The following CCDC18 variants were observed in gnomAD, a reference collection of about 807,000 sequenced individuals.
CCDC18 encodes coiled-coil domain containing 18.
CCDC18 carries 157 observed loss-of-function variants against 196.0 expected under a neutral mutation model. The observed-to-expected ratio is 0.80, with a 90% CI of 0.70 to 0.91. The LOEUF (loss-of-function observed/expected upper bound fraction) is 0.91, where lower values mean the gene tolerates loss of function less well. CCDC18 is among the 40% of genes least tolerant of loss of function. The probability of loss-of-function intolerance (pLI) is 0.00; values close to 1 mark genes in which losing one functional copy is unlikely to be tolerated. For missense variants in CCDC18, 1,465 were observed against 1,611.6 expected (o/e 0.91, Z 1.56); for synonymous variants, 482 against 529.2 (o/e 0.91, Z 1.22).
rs1306174824 is a variant in CCDC18 at position 93,214,796 on chromosome 1, G to C, written c.1549G>C (p.Glu517Gln). Residue 517 changes from glutamate to glutamine, a missense_variant, in exon 12 of 29, where the codon GAG (glutamate) becomes CAG (glutamine). Physicochemically the swap from Glu to Gln is conservative, Grantham distance 29. Transcript: ENST00000690025. Reference protein sequence around the residue: ...QHTMNKQYEKERQRLVTGIEE... With the variant: ...QHTMNKQYEKQRQRLVTGIEE... ...TACTATGAACAAGCAATATGAAAAA[G>C]AGAGGCAAAGACTTGTTACTGGAAT... 6.2e-7 allele frequency: 1 copy of C among 1,612,938 alleles called. No homozygotes were observed. The highest frequency in any genetic ancestry group is 2.2e-5 in the East Asian group (1 of 44,774).
At chr1:93,223,718 T>C (rs1222698922) in intron 16 of CCDC18, among the ~76,000 whole-genome samples, 2 of 152,140 alleles carry the variant, frequency 1.3e-5, no homozygotes, top group African/African-American at 4.8e-5. Context: ...TTCCTCTTAT[T>C]TTCTACTTTA....
chr1:93,214,620 G>C, intron 11 of CCDC18, 123 bp from the exon 12 acceptor site: 1 of 619,164 alleles, frequency 1.6e-6, no homozygotes, highest in East Asian at 2.8e-5. Context: ...CTCATTCTCT[G>C]TCCCTTTTAG....
At chr1:93,254,255 T>C (rs1288457561) in intron 23 of CCDC18, among the ~76,000 whole-genome samples, 1 of 152,200 alleles carries the variant, frequency 6.6e-6, no homozygotes, top group Non-Finnish European at 1.5e-5. Context: ...TTCCTGTTGT[T>C]GTGGGGGAAT....
Position 93,239,403 on chromosome 1 carries a change from A to T in CCDC18, c.2697A>T (p.Ala899=). ...MHLKRDGENK[A]MHLSQLDMIL... ...TAAAACGAGATGGAGAAAATAAAGC[A>T]ATGCACCTCTCTCAATTAGATATGA... Residue 899 remains alanine (A), a synonymous_variant, in exon 20 of 29, where the codon GCA becomes GCT. Transcript: ENST00000690025. 6.2e-7 allele frequency: 1 copy of T among 1,613,440 alleles called. No homozygotes were observed. The highest frequency in any genetic ancestry group is 8.5e-7 in the Non-Finnish European group (1 of 1,179,614).
intron 16 of CCDC18, among the ~76,000 whole-genome samples, chr1:93,224,957 C>G (rs1374393200): frequency 6.6e-6 from 1 of 152,164 alleles, no homozygotes. Context: ...TTCAGAATTA[C>G]AGATTTTTTA....
Position 93,184,095 on chromosome 1 carries a change from C to T in CCDC18, c.252C>T (p.Val84=). Residue 84 remains valine, a synonymous_variant, in exon 3 of 29, where the codon GTC becomes GTT. Transcript: ENST00000690025. The part of the protein sequence containing the change: ...GLLNYSPYEN[V]CKISGSSTDF... ...TGAATTATTCACCTTATGAAAACGT[C>T]TGTAAAATATCTGGTAGCAGCACTG... is the stretch of plus-strand genomic sequence containing the variant. 6.4e-7 allele frequency: 1 copy of T among 1,569,092 alleles called. No individual in the cohort carries two copies. The highest frequency in any genetic ancestry group is 8.7e-7 in the Non-Finnish European group (1 of 1,153,322).
intron 2 of CCDC18, 66 bp downstream of exon 2, chr1:93,183,561 T>C: frequency 8.6e-7 from 1 of 1,168,646 alleles, no homozygotes; most frequent in Non-Finnish European, 1.2e-6. Flanking sequence ...AATGTGTGGA[T>C]TTCATTATGA....
chr1:93,202,891 G>A (rs928617981), intron 7 of CCDC18, among the ~76,000 whole-genome samples: 3 of 152,202 alleles, frequency 2.0e-5, no homozygotes, highest in Non-Finnish European at 4.4e-5. Flanking sequence ...TAGGGTGGGT[G>A]AAGGTGGCAG....
At chr1:93,220,027 C>A (rs1404185564) in intron 14 of CCDC18, among the ~76,000 whole-genome samples, 1 of 152,048 alleles carries the variant, frequency 6.6e-6, no homozygotes, top group African/African-American at 2.4e-5. Context: ...CTGAAAACTT[C>A]ACAAATTTGA....
At chr1:93,212,689 G>A (rs185109485) in intron 11 of CCDC18, among the ~76,000 whole-genome samples, 26 of 152,264 alleles carry the variant, frequency 1.7e-4, no homozygotes, top group Non-Finnish European at 2.5e-4. Flanking sequence ...TGTATCATTC[G>A]TTAATGAAGT....
At chr1:93,191,567 G>A (rs1490658009) in intron 4 of CCDC18, among the ~76,000 whole-genome samples, 4 of 152,232 alleles carry the variant, frequency 2.6e-5, no homozygotes, top group East Asian at 1.9e-4. Context: ...TATACAGATT[G>A]TAGGGTTATT....
chr1:93,250,534 A>C (rs1464020628), intron 23 of CCDC18, among the ~76,000 whole-genome samples: 1 of 152,066 alleles, frequency 6.6e-6, no homozygotes, highest in Admixed American at 6.6e-5. Context: ...TAATCTGGAC[A>C]ATCTGTTCAT....
intron 17 of CCDC18, among the ~76,000 whole-genome samples, chr1:93,231,914 T>C (rs1480389726): frequency 6.6e-6 from 1 of 152,190 alleles, no homozygotes; most frequent in Non-Finnish European, 1.5e-5. Flanking sequence ...GGTGAAAGAA[T>C]CAGGTGAAGT....
intron 17 of CCDC18, among the ~76,000 whole-genome samples, chr1:93,228,330 A>T (rs1054468764): frequency 6.6e-6 from 1 of 152,282 alleles, no homozygotes; most frequent in Non-Finnish European, 1.5e-5. Flanking sequence ...GCTACTGGCC[A>T]TTCCCATTGG....
chr1:93,195,629 T>C (rs1652600995), intron 6 of CCDC18, among the ~76,000 whole-genome samples: 1 of 152,216 alleles, frequency 6.6e-6, no homozygotes, highest in South Asian at 2.1e-4. Flanking sequence ...AATGCCATTA[T>C]AAGAGGGCTT....
At chr1:93,204,159 G>A (rs1654321580) in intron 7 of CCDC18, among the ~76,000 whole-genome samples, 1 of 152,064 alleles carries the variant, frequency 6.6e-6, no homozygotes. Flanking sequence ...GATTGAAGAT[G>A]CTAGAATTAT....
Position 93,236,236 on chromosome 1 carries a change from C to T in CCDC18, c.2461-12C>T. The stretch of plus-strand genomic sequence containing the variant: ...CTGAATTTAAAATGTTTACTGAAAA[C>T]TGCTTTACAAGGTGTCAAAACTGGA... On this transcript the variant is annotated splice_polypyrimidine_tract_variant and intron_variant, in intron 18 of 28. Coordinates refer to ENST00000690025, the MANE Select transcript of CCDC18 (RefSeq NM_001378204.1). The T allele has an allele frequency of 6.4e-7, 1 of 1,552,292 alleles. No homozygotes were observed. The highest frequency in any genetic ancestry group is 8.6e-7 in the Non-Finnish European group (1 of 1,159,780).
intron 9 of CCDC18, among the ~76,000 whole-genome samples, chr1:93,209,595 G>A (rs1283381129): frequency 6.6e-6 from 1 of 152,160 alleles, no homozygotes; most frequent in Admixed American, 6.5e-5. Context: ...TTGCCCAACT[G>A]GTAAGTAGTA....
chr1:93,269,495 C>T (rs1665003064), intron 27 of CCDC18, among the ~76,000 whole-genome samples: 1 of 149,368 alleles, frequency 6.7e-6, no homozygotes, highest in South Asian at 2.1e-4. Flanking sequence ...CCAAAATATG[C>T]GTGTTAAACT....
Sources: gnomAD v4.1 joint callset for allele counts (sites outside exome capture counted in the v4.1 genomes callset) on GRCh38, gnomAD v4.1.1 for gene constraint, MANE v1.5 for transcripts, NCBI Gene and HGNC (gene_info 2026-07-23, HGNC 2026-07-21) for gene names.